GSDME: variants seen among roughly 807,000 people sequenced by gnomAD.
GSDME encodes the protein gasdermin-E.
Under a neutral mutation model 47.5 loss-of-function variants are expected in GSDME, and 44 were observed. The observed-to-expected ratio is 0.93, with a 90% CI of 0.73 to 1.19. GSDME has a LOEUF of 1.19. GSDME is among the 50% of genes most tolerant of loss of function. The probability of loss-of-function intolerance (pLI) is 0.00; values close to 1 mark genes in which losing one functional copy is unlikely to be tolerated. For synonymous variants in GSDME, 258 were observed against 252.8 expected (o/e 1.02, Z -0.20); for missense variants, 663 against 604.2 (o/e 1.10, Z -1.02).
chr7:24,730,195 A>C (rs1463648875), intron 3 of GSDME, among the ~76,000 whole-genome samples: 1 of 152,196 alleles, frequency 6.6e-6, no homozygotes, highest in Admixed American at 6.5e-5. Flanking sequence ...TGGAACAAAC[A>C]TCTGCTCACC....
chr7:24,707,861 T>G (rs894348589), intron 7 of GSDME: 1 of 573,022 alleles, frequency 1.7e-6, no homozygotes, highest in African/African-American at 1.9e-5. Context: ...ACTTTGGACT[T>G]TTGGGCTCCA....
At chr7:24,703,207 G>C (rs796240034) in intron 8 of GSDME, 1 of 344,528 alleles carries the variant, frequency 2.9e-6, no homozygotes, top group Admixed American at 3.9e-5. Flanking sequence ...TGCAGCCTCA[G>C]GTACACCTCT....
In GSDME at chr7:24,756,802, A is replaced by G. The variant is rs543420627; in HGVS notation, c.-20+594T>C. 2.2e-4 allele frequency among the ~76,000 whole-genome samples: 33 copies of G among 152,238 alleles called. No individual in the cohort carries two copies. Among genetic ancestry groups the G allele is most frequent in the African/African-American group, 7.7e-4 (32 of 41,548 alleles). On this transcript the variant is annotated intron_variant, in intron 1 of 9. Coordinates refer to ENST00000645220, the MANE Select transcript of GSDME (RefSeq NM_001127453.2). This position sits in a 1 kb window ranked among gnomAD's most constrained non-coding sequence, Gnocchi z 4.2. Reference sequence around the variant, plus strand: ...GGAAGCCACGCGGGCAGCTCTTGAGAGCCATTCCAGCGCATGCCAGGCACA... The same window carrying G: ...GGAAGCCACGCGGGCAGCTCTTGAGGGCCATTCCAGCGCATGCCAGGCACA...
rs145559132 is a variant in GSDME, at chr7:24,714,023, G to T, written c.697+3231C>A. On this transcript the variant is annotated intron_variant, in intron 5 of 9. Transcript: ENST00000645220. The surrounding 1 kb of genome is among the most constrained non-coding windows in gnomAD (Gnocchi z 5.0). ...CAGTGGGGAGACGTGCACAGATTCA[G>T]GTGCAGCGTGGGAAACAGGTTCACG... Among the ~76,000 whole-genome samples the T allele has an allele frequency of 1.3e-3, 197 of 152,324 alleles. 3 individuals are homozygous for T. The highest frequency in any genetic ancestry group is 4.6e-3 in the African/African-American group (192 of 41,562).
chr7:24,724,652 C>CAGTT lies in GSDME; in HGVS notation c.405-5438_405-5435dup, dbSNP rs1349754966. Reference sequence around the variant, plus strand: ...GGGGCTTGGCTCAACTCCGCCCACCCAGTTCTACTGTGAGGTTGCCCTTCT... The same window carrying CAGTT: ...GGGGCTTGGCTCAACTCCGCCCACCCAGTTAGTTCTACTGTGAGGTTGCCCTTCT... On this transcript the variant is annotated intron_variant, in intron 3 of 9. Coordinates refer to ENST00000645220, the MANE Select transcript of GSDME (RefSeq NM_001127453.2). The surrounding 1 kb of genome is among the most constrained non-coding windows in gnomAD (Gnocchi z 4.8). 1 of 152,308 alleles carries CAGTT rather than the reference C, an allele frequency of 6.6e-6. No individual in the cohort carries two copies. Among genetic ancestry groups the CAGTT allele is most frequent in the Non-Finnish European group, 1.5e-5 (1 of 68,098 alleles). 9.4% of individuals were successfully genotyped at this position (152,308 alleles called of 1,614,324 possible). A position where few individuals can be genotyped will look rare whatever the true frequency, so the allele number is the denominator to read the frequency against.
At chr7:24,729,794 T>A (rs1247175311) in intron 3 of GSDME, among the ~76,000 whole-genome samples, 1 of 152,184 alleles carries the variant, frequency 6.6e-6, no homozygotes, top group Non-Finnish European at 1.5e-5. Flanking sequence ...CAGAGGAGCC[T>A]GTGGGCATCC....
At position 24,739,820 on chromosome 7, in the gene GSDME, C is replaced by T. The variant is rs554912423; in HGVS notation, c.404+4742G>A. On this transcript the variant is annotated intron_variant, in intron 3 of 9. Transcript: ENST00000645220. This position sits in a 1 kb window ranked among gnomAD's most constrained non-coding sequence, Gnocchi z 5.1. ...AAAAAGAGTAAGATCCTGGGCTGGG[C>T]GCAGTGGCTCACGCCCATAATCCTA... is the stretch of plus-strand genomic sequence containing the variant. 8.6e-4 allele frequency among the ~76,000 whole-genome samples: 131 copies of T among 152,210 alleles called. 1 individual carries two copies. In the Middle Eastern group the frequency reaches 0.01, roughly 12 times the overall value.
the GSDME span, among the ~76,000 whole-genome samples, chr7:24,778,275 A>C: frequency 6.6e-6 from 1 of 151,874 alleles, no homozygotes; most frequent in Non-Finnish European, 1.5e-5. This position sits in a 1 kb window ranked among gnomAD's most constrained non-coding sequence, Gnocchi z 5.6. Context: ...AAAGGCTGGA[A>C]CCCAGACATG....
chr7:24,713,868 G>T (rs1172503268), intron 5 of GSDME, among the ~76,000 whole-genome samples: 1 of 152,166 alleles, frequency 6.6e-6, no homozygotes, highest in Admixed American at 6.5e-5. Context: ...AAGGTGGGAG[G>T]ACTGCTTGAG....
At chr7:24,784,616 T>C in the GSDME span, among the ~76,000 whole-genome samples, 3 of 150,112 alleles carry the variant, frequency 2.0e-5, no homozygotes, top group Non-Finnish European at 4.4e-5. Context: ...CCCTGCTTTT[T>C]TTCTTCTTCC....
At chr7:24,743,591 C>A (rs1372933639) in intron 3 of GSDME, among the ~76,000 whole-genome samples, 2 of 152,206 alleles carry the variant, frequency 1.3e-5, no homozygotes, top group Non-Finnish European at 2.9e-5. Context: ...TAAGTGTGAG[C>A]CTTTCCAGTG....
At chr7:24,718,910 A>T in intron 4 of GSDME, 137 bp downstream of exon 4, 1 of 980,266 alleles carries the variant, frequency 1.0e-6, no homozygotes, top group Non-Finnish European at 1.6e-6. Flanking sequence ...TTGCTCATTT[A>T]AGACAACGTG....
At chr7:24,707,372 A>G (rs1427688134) in intron 7 of GSDME, 1 of 471,486 alleles carries the variant, frequency 2.1e-6, no homozygotes, top group South Asian at 1.5e-5. Flanking sequence ...TGTGGCTCTC[A>G]CCATTTGTAC....
chr7:24,763,447 T>C, the GSDME span, among the ~76,000 whole-genome samples: 2 of 151,658 alleles, frequency 1.3e-5, no homozygotes, highest in African/African-American at 4.8e-5. The surrounding 1 kb of genome is among the most constrained non-coding windows in gnomAD (Gnocchi z 4.3). Flanking sequence ...ACAGCCAATC[T>C]GATAACCTAG....
At position 24,733,478 on chromosome 7, in the gene GSDME, A is replaced by G. The variant is rs573368485; in HGVS notation, c.404+11084T>C. Among the ~76,000 whole-genome samples the G allele has an allele frequency of 2.0e-5, 3 of 152,296 alleles. No individual in the cohort carries two copies. The highest frequency in any genetic ancestry group is 6.5e-5 in the Admixed American group (1 of 15,308). On this transcript the variant is annotated intron_variant, in intron 3 of 9. Transcript: ENST00000645220. This position sits in a 1 kb window ranked among gnomAD's most constrained non-coding sequence, Gnocchi z 4.3. ...GGGTAGAGCACCAAGCAAGCCCTTC[A>G]AGTCTCTGATTCCAGGTTGTGGCTC...
At chr7:24,704,876 T>G (rs1225761646) in intron 8 of GSDME, 3 of 152,236 alleles carry the variant, frequency 2.0e-5, no homozygotes, top group African/African-American at 4.8e-5. Context: ...TTTGTACAGA[T>G]GAGGTCTTGC....
intron 9 of GSDME, among the ~76,000 whole-genome samples, chr7:24,700,551 G>A (rs1238135240): frequency 6.6e-6 from 1 of 152,186 alleles, no homozygotes; most frequent in East Asian, 1.9e-4. Context: ...GAGCAGTGGT[G>A]ACTATCTTGA....
intron 3 of GSDME, among the ~76,000 whole-genome samples, chr7:24,740,202 C>A (rs919808940): frequency 3.3e-5 from 5 of 151,948 alleles, no homozygotes; most frequent in African/African-American, 1.2e-4. Context: ...TTCACATGTT[C>A]TTATTTATTT....
chr7:24,702,765 G>A lies in GSDME; in HGVS notation c.1252C>T (p.His418Tyr). The A allele has an allele frequency of 6.2e-7, 1 of 1,613,270 alleles. No homozygotes were observed. Among genetic ancestry groups the A allele is most frequent in the Non-Finnish European group, 8.5e-7 (1 of 1,179,492 alleles). Residue 418 changes from histidine (H) to tyrosine (Y), a missense_variant, in exon 9 of 10, where the codon CAC becomes TAC. His to Tyr is a moderately conservative substitution (Grantham distance 83). Coordinates refer to ENST00000645220, the MANE Select transcript of GSDME (RefSeq NM_001127453.2). ...CCACCTGGGAGGTTGCTTACCAAGT[G>A]GCACAGTGTGGGAATGATCTGGAGT... ...CKLQIIPTLCHLLRALSDDGV... is the reference protein window; with the variant it reads ...CKLQIIPTLCYLLRALSDDGV...
Sources: allele counts gnomAD v4.1 joint callset (sites outside exome capture counted in the v4.1 genomes callset), GRCh38; gene constraint gnomAD v4.1.1; non-coding constraint Gnocchi (gnomAD v3.1); transcripts MANE v1.5; gene names NCBI Gene and HGNC (gene_info 2026-07-23, HGNC 2026-07-21).